The following SLC9C1 variants were observed in gnomAD, a reference collection of about 807,000 sequenced individuals.
SLC9C1 encodes sodium/hydrogen exchanger 10.
SLC9C1 carries 97 observed loss-of-function variants against 140.9 expected under a neutral mutation model. The observed-to-expected ratio is 0.69, with a 90% CI of 0.58 to 0.82. The LOEUF is 0.82. Ranked by LOEUF, SLC9C1 falls within the 40% of genes least tolerant of loss-of-function variation. The pLI, the probability that SLC9C1 is intolerant of heterozygous loss-of-function variation, is 0.00. For synonymous variants in SLC9C1, 440 were observed against 442.6 expected (o/e 0.99, Z 0.07); for missense variants, 1,340 against 1,389.3 (o/e 0.96, Z 0.56).
chr3:112,247,771 C>T (rs2079331500), intron 10 of SLC9C1, among the ~76,000 whole-genome samples: 1 of 140,600 alleles, frequency 7.1e-6, no homozygotes, highest in East Asian at 2.2e-4. Flanking sequence ...TTTATAATAT[C>T]AGAACTTTGT....
In SLC9C1 at chr3:112,199,373, G is replaced by T; in HGVS notation, c.2471C>A (p.Ala824Asp). The stretch of plus-strand genomic sequence containing the variant: ...ACTAATAATTCCTTTTAAGCCAAAA[G>T]CCTTAAGAATTTCTGTAGCCATATT... Reference protein sequence around the residue: ...MLNMATEILKAFGLKGIISKT... With the variant: ...MLNMATEILKDFGLKGIISKT... The change falls in exon 20 of 29, where the codon GCT (alanine) becomes GAT (aspartate). Residue 824 changes from alanine (A) to aspartate (D), a missense_variant. By Grantham distance (126) the Ala-to-Asp change is moderately radical. Coordinates refer to ENST00000305815, the MANE Select transcript of SLC9C1 (RefSeq NM_183061.3). 6.3e-7 allele frequency: 1 copy of T among 1,595,492 alleles called. No homozygotes were observed. Among genetic ancestry groups the T allele is most frequent in the South Asian group, 1.2e-5 (1 of 85,600 alleles).
Position 112,141,137 on chromosome 3 carries a change from T to C in SLC9C1, c.*135A>G, listed in dbSNP as rs2074608207. The C allele has an allele frequency of 1.1e-6, 1 of 927,058 alleles. No homozygotes were observed. 57.4% of individuals were successfully genotyped at this position (927,058 alleles called of 1,614,324 possible). On this transcript the variant is annotated 3_prime_UTR_variant, in exon 29 of 29. Coordinates refer to ENST00000305815, the MANE Select transcript of SLC9C1 (RefSeq NM_183061.3). ...CTGGTTTCAAGGTCCAAATTTCTTTTCTGCTTAGCACCAAGATCATCCACA... is the reference window on the plus strand; with the variant it reads ...CTGGTTTCAAGGTCCAAATTTCTTTCCTGCTTAGCACCAAGATCATCCACA...
intron 13 of SLC9C1, among the ~76,000 whole-genome samples, chr3:112,228,476 G>T (rs971132354): frequency 6.6e-6 from 1 of 151,884 alleles, no homozygotes; most frequent in African/African-American, 2.4e-5. Context: ...GACTGGGCAA[G>T]GATTTCATGG....
At position 112,169,316 on chromosome 3, in the gene SLC9C1, G is replaced by A. The variant is rs202130918; in HGVS notation, c.2932C>T (p.Pro978Ser). ...AAAGCATCATACAAGTGAGTTTTGG[G>A]AATAAAACATGTCTGGAAAAGAAGG... is the stretch of plus-strand genomic sequence containing the variant. Reference protein sequence around the residue: ...CKTVVETCFIPKTHLYDAFEQ... With the variant: ...CKTVVETCFISKTHLYDAFEQ... The change falls in exon 24 of 29, where the codon CCC (proline) becomes TCC (serine). Residue 978 changes from proline (P) to serine (S), a missense_variant. Pro to Ser is a moderately conservative substitution (Grantham distance 74, BLOSUM62 -1). Transcript: ENST00000305815. 3.7e-6 allele frequency: 6 copies of A among 1,607,522 alleles called. No homozygotes were observed. The highest frequency in any genetic ancestry group is 4.2e-6 in the Non-Finnish European group (5 of 1,177,916).
intron 26 of SLC9C1, among the ~76,000 whole-genome samples, chr3:112,159,299 A>G (rs1401315179): frequency 6.6e-6 from 1 of 151,940 alleles, no homozygotes; most frequent in East Asian, 1.9e-4. Context: ...TCACGTATTT[A>G]AAAAAACTTT....
chr3:112,195,574 T>C (rs13086724), intron 20 of SLC9C1, among the ~76,000 whole-genome samples: 45,112 of 151,998 alleles, frequency 0.3, 7,280 homozygotes, highest in East Asian at 0.45. Context: ...TTTTTTAAAA[T>C]AGTGAAACAT....
chr3:112,216,994 T>C (rs9823928), intron 15 of SLC9C1, among the ~76,000 whole-genome samples: 1 of 152,058 alleles, frequency 6.6e-6, no homozygotes, highest in East Asian at 1.9e-4. Flanking sequence ...AGAAAATATG[T>C]CACATATACA....
intron 28 of SLC9C1, among the ~76,000 whole-genome samples, chr3:112,150,808 AT>A (rs2074942140): frequency 6.1e-5 from 3 of 48,892 alleles, no homozygotes; most frequent in Non-Finnish European, 1.2e-4. Flanking sequence ...ATATATATAT[AT>A]AAATACATAT....
At chr3:112,186,321 G>T (rs1318485549) in intron 20 of SLC9C1, among the ~76,000 whole-genome samples, 1 of 151,840 alleles carries the variant, frequency 6.6e-6, no homozygotes, top group Non-Finnish European at 1.5e-5. Context: ...GAAGTTTATT[G>T]TTTTACCTTT....
At chr3:112,227,147 A>G (rs13085810) in intron 13 of SLC9C1, among the ~76,000 whole-genome samples, 3,243 of 152,288 alleles carry the variant, frequency 0.021, 52 homozygotes, top group Non-Finnish European at 0.035. Context: ...AAGTCCGAAT[A>G]GACCAATGAA....
At chr3:112,202,181 A>T in intron 18 of SLC9C1, 69 bp downstream of exon 18, 1 of 1,551,632 alleles carries the variant, frequency 6.4e-7, no homozygotes, top group Non-Finnish European at 8.8e-7. Context: ...ATATGAACAG[A>T]AAAAAATGAT....
At chr3:112,187,860 A>G (rs1368617037) in intron 20 of SLC9C1, among the ~76,000 whole-genome samples, 1 of 152,078 alleles carries the variant, frequency 6.6e-6, no homozygotes, top group Non-Finnish European at 1.5e-5. Flanking sequence ...AAAATCTAAA[A>G]TGACCATCTT....
intron 20 of SLC9C1, among the ~76,000 whole-genome samples, chr3:112,194,133 G>A (rs2077721986): frequency 6.6e-6 from 1 of 152,098 alleles, no homozygotes; most frequent in African/African-American, 2.4e-5. Context: ...ATCCTAATCT[G>A]GAGTAATGCA....
At chr3:112,259,008 AC>A (rs1419210354) in intron 10 of SLC9C1, among the ~76,000 whole-genome samples, 2 of 152,044 alleles carry the variant, frequency 1.3e-5, no homozygotes, top group Non-Finnish European at 2.9e-5. Flanking sequence ...GGGGAAATCC[AC>A]CCCCATGATC....
At chr3:112,213,376 T>C (rs1317106169) in intron 15 of SLC9C1, among the ~76,000 whole-genome samples, 1 of 152,152 alleles carries the variant, frequency 6.6e-6, no homozygotes, top group Non-Finnish European at 1.5e-5. Context: ...TAAATATAAA[T>C]GGGCTAAATG....
At chr3:112,260,245 T>C (rs569537609) in intron 10 of SLC9C1, among the ~76,000 whole-genome samples, 1 of 152,038 alleles carries the variant, frequency 6.6e-6, no homozygotes, top group African/African-American at 2.4e-5. Context: ...ATGAAGCTCA[T>C]AACGAAAATT....
At chr3:112,164,880 T>G (rs2107902293) in intron 26 of SLC9C1, among the ~76,000 whole-genome samples, 1 of 152,194 alleles carries the variant, frequency 6.6e-6, no homozygotes, top group Non-Finnish European at 1.5e-5. Context: ...CCAGCTTGGT[T>G]CCATTCTCCC....
At chr3:112,188,484 C>A (rs958206108) in intron 20 of SLC9C1, among the ~76,000 whole-genome samples, 1 of 151,266 alleles carries the variant, frequency 6.6e-6, no homozygotes, top group African/African-American at 2.4e-5. Flanking sequence ...GAACATGCAG[C>A]GTTTGGTTTT....
chr3:112,288,625 T>A (rs560734808), intron 1 of SLC9C1, among the ~76,000 whole-genome samples: 2 of 152,158 alleles, frequency 1.3e-5, no homozygotes, highest in Non-Finnish European at 2.9e-5. Context: ...AGTGTGGTGC[T>A]CGCCTATGGT....
Sources: gnomAD v4.1 joint callset for allele counts (sites outside exome capture counted in the v4.1 genomes callset) on GRCh38, gnomAD v4.1.1 for gene constraint, MANE v1.5 for transcripts, NCBI Gene and HGNC (gene_info 2026-07-23, HGNC 2026-07-21) for gene names.